MVB12B: variants seen among roughly 807,000 people sequenced by gnomAD.
MVB12B encodes ESCRT-I complex subunit MVB12B.
MVB12B carries 16 observed loss-of-function variants against 41.6 expected under a neutral mutation model. The observed-to-expected ratio is 0.38, with a 90% CI of 0.26 to 0.58. The LOEUF (loss-of-function observed/expected upper bound fraction) is 0.58, where lower values mean the gene tolerates loss of function less well. Among genes scored for constraint, MVB12B ranks in the 20% least tolerant of loss-of-function variants. MVB12B has a pLI of 0.62. For missense variants in MVB12B, 274 were observed against 380.2 expected (o/e 0.72, Z 2.32); for synonymous variants, 133 against 139.7 (o/e 0.95, Z 0.34).
chr9:126,378,463 T>G (rs1830544018), intron 2 of MVB12B, among the ~76,000 whole-genome samples: 1 of 152,098 alleles, frequency 6.6e-6, no homozygotes, highest in African/African-American at 2.4e-5. Context: ...TCCAGTGCTC[T>G]CAAAGAGCCA....
At chr9:126,495,214 A>AAT (rs1833806676) in intron 9 of MVB12B, among the ~76,000 whole-genome samples, 3 of 147,328 alleles carry the variant, frequency 2.0e-5, no homozygotes, top group Non-Finnish European at 4.5e-5. Flanking sequence ...AAAATGAGAG[A>AAT]GAGAGAAAGA....
chr9:126,447,833 T>C (rs1832812908), intron 7 of MVB12B, among the ~76,000 whole-genome samples: 1 of 152,260 alleles, frequency 6.6e-6, no homozygotes, highest in African/African-American at 2.4e-5. Flanking sequence ...TTATTTTGTA[T>C]GTTCCTATGC....
chr9:126,464,061 T>C (rs1467433770), intron 7 of MVB12B, among the ~76,000 whole-genome samples: 1 of 152,194 alleles, frequency 6.6e-6, no homozygotes, highest in Non-Finnish European at 1.5e-5. Context: ...CTCATCTGTC[T>C]ATCACCTCAT....
chr9:126,416,866 G>A (rs533098104), intron 6 of MVB12B, among the ~76,000 whole-genome samples: 6 of 152,264 alleles, frequency 3.9e-5, no homozygotes, highest in Admixed American at 2.0e-4. Flanking sequence ...ATCTCATCTC[G>A]CCAGAGACCC....
At chr9:126,330,625 T>A (rs1326241294) in intron 1 of MVB12B, among the ~76,000 whole-genome samples, 1 of 152,158 alleles carries the variant, frequency 6.6e-6, no homozygotes, top group African/African-American at 2.4e-5. Flanking sequence ...ACACGTAACA[T>A]AAAATTGACC....
chr9:126,494,874 C>G (rs1288517008), intron 9 of MVB12B, among the ~76,000 whole-genome samples: 4 of 151,538 alleles, frequency 2.6e-5, no homozygotes, highest in East Asian at 3.9e-4. Flanking sequence ...CCCCACCCCC[C>G]CCCAGGGTTG....
intron 1 of MVB12B, among the ~76,000 whole-genome samples, chr9:126,332,306 A>G (rs941573602): frequency 2.6e-5 from 4 of 151,964 alleles, no homozygotes; most frequent in African/African-American, 9.7e-5. Flanking sequence ...TGTCTTATTC[A>G]TTGCTCTATC....
intron 9 of MVB12B, among the ~76,000 whole-genome samples, chr9:126,494,525 G>A (rs373239264): frequency 7.2e-5 from 11 of 152,164 alleles, no homozygotes; most frequent in African/African-American, 2.4e-4. Context: ...TGAACATCTC[G>A]CCTTTTGCAT....
chr9:126,365,874 T>C (rs1471003761), intron 2 of MVB12B, among the ~76,000 whole-genome samples: 1 of 152,154 alleles, frequency 6.6e-6, no homozygotes, highest in Non-Finnish European at 1.5e-5. Flanking sequence ...AATGGTCAGA[T>C]GTAGCACTTG....
chr9:126,464,118 A>G (rs1833144862), intron 7 of MVB12B, among the ~76,000 whole-genome samples: 1 of 152,162 alleles, frequency 6.6e-6, no homozygotes, highest in African/African-American at 2.4e-5. Flanking sequence ...GCCCTGGGCC[A>G]ACAGGGACCA....
chr9:126,501,585 A>G (rs1043630727), intron 9 of MVB12B, among the ~76,000 whole-genome samples: 1 of 152,150 alleles, frequency 6.6e-6, no homozygotes, highest in Non-Finnish European at 1.5e-5. Flanking sequence ...CCATGGACAT[A>G]GTGCTGGGCT....
intron 7 of MVB12B, among the ~76,000 whole-genome samples, chr9:126,425,591 A>G (rs1832153442): frequency 6.6e-6 from 1 of 152,146 alleles, no homozygotes; most frequent in Non-Finnish European, 1.5e-5. Flanking sequence ...TAATTTTCTT[A>G]TTGTCCCTTT....
At chr9:126,334,247 T>C (rs963568642) in intron 1 of MVB12B, among the ~76,000 whole-genome samples, 1 of 152,094 alleles carries the variant, frequency 6.6e-6, no homozygotes, top group Non-Finnish European at 1.5e-5. Flanking sequence ...AGGGGGAAGA[T>C]GGCAAGGTCA....
chr9:126,421,785 C>T (rs778094191), intron 6 of MVB12B, 69 bp from the exon 7 acceptor site: 14 of 1,182,020 alleles, frequency 1.2e-5, no homozygotes, highest in Admixed American at 8.4e-5. Context: ...CTGTTGATGG[C>T]GTCAGTGCTT....
intron 7 of MVB12B, among the ~76,000 whole-genome samples, chr9:126,461,081 G>C (rs114502676): frequency 9.8e-4 from 149 of 152,318 alleles, no homozygotes; most frequent in African/African-American, 3.6e-3. Context: ...CAGGTGGGTG[G>C]CAGAGCTATT....
chr9:126,365,880 A>C (rs1233256124), intron 2 of MVB12B, among the ~76,000 whole-genome samples: 4 of 152,196 alleles, frequency 2.6e-5, no homozygotes, highest in African/African-American at 9.7e-5. Flanking sequence ...CAGATGTAGC[A>C]CTTGCCTGCA....
At chr9:126,482,647 G>A (rs1833548277) in intron 8 of MVB12B, among the ~76,000 whole-genome samples, 2 of 152,232 alleles carry the variant, frequency 1.3e-5, no homozygotes, top group Admixed American at 6.5e-5. Flanking sequence ...CTGCTGGGTC[G>A]CAGGCAGGCG....
rs1273776884 is a variant in MVB12B at position 126,507,006 on chromosome 9, T to A, written c.*3743T>A. On this transcript the variant is annotated 3_prime_UTR_variant, in exon 10 of 10. Coordinates refer to ENST00000361171, the MANE Select transcript of MVB12B (RefSeq NM_033446.3). ...TGTGTGATTGTCTGTATTCTTAATA[T>A]AATTTGTTAAATAAACGTTTGTTTT... The A allele has an allele frequency of 2.6e-5, 4 of 152,838 alleles. No individual in the cohort carries two copies. The highest frequency in any genetic ancestry group is 3.4e-3 in the Middle Eastern group (1 of 294). 9.5% of individuals were successfully genotyped at this position (152,838 alleles called of 1,614,324 possible).
chr9:126,343,317 C>T (rs1428063730), intron 2 of MVB12B, among the ~76,000 whole-genome samples: 4 of 152,286 alleles, frequency 2.6e-5, no homozygotes, highest in African/African-American at 9.6e-5. Context: ...GGGTGAGTCT[C>T]GTGCATCTTT....
Sources: allele counts gnomAD v4.1 joint callset (sites outside exome capture counted in the v4.1 genomes callset), GRCh38; gene constraint gnomAD v4.1.1; transcripts MANE v1.5; gene names NCBI Gene and HGNC (gene_info 2026-07-23, HGNC 2026-07-21).